Variants in ACP4 observed in about 807,000 individuals in gnomAD.
ACP4 encodes the protein acid phosphatase 4, also known as testicular acid phosphatase.
ACP4 carries 49 observed loss-of-function variants against 47.3 expected under a neutral mutation model. The observed-to-expected ratio is 1.04, with a 90% CI of 0.82 to 1.32. The LOEUF is 1.32. Ranked by LOEUF, ACP4 falls within the 40% of genes most tolerant of loss-of-function variation. The pLI is 0.00. For synonymous variants in ACP4, 299 were observed against 265.3 expected, an observed-to-expected ratio of 1.13 and a Z score of -1.23; for missense variants, 594 against 579.3, an observed-to-expected ratio of 1.03 and a Z score of -0.26.
In ACP4 at chr19:50,794,442, C is replaced by T. The variant is rs772621124; in HGVS notation, c.862-15C>T. On this transcript the variant is annotated splice_polypyrimidine_tract_variant and intron_variant, in intron 8 of 10. Transcript: ENST00000270593. ...CAGAGAGAAGTGCCGTCTCAGCCCT[C>T]GGGTCCACCTGCAGCATGACAGCAC... 2.5e-5 allele frequency: 41 copies of T among 1,612,808 alleles called. No homozygotes were observed. In the African/African-American group the frequency reaches 3.1e-4, roughly 12 times the overall value.
At chr19:50,790,567 G>T in intron 1 of ACP4, 27 bp from the exon 2 acceptor site, 1 of 1,544,150 alleles carries the variant, frequency 6.5e-7, no homozygotes, top group South Asian at 1.2e-5. Flanking sequence ...CTCCCCCAGG[G>T]CTAGCCCTGA....
chr19:50,791,573 TC>T, intron 3 of ACP4, 82 bp from the exon 4 acceptor site: 2 of 1,539,718 alleles, frequency 1.3e-6, no homozygotes, highest in Non-Finnish European at 8.8e-7. Flanking sequence ...CCAAAGTGAA[TC>T]TGAGGCTTCT....
At chr19:50,793,472 G>A (rs1249593585) in intron 6 of ACP4, 6 of 648,356 alleles carry the variant, frequency 9.3e-6, no homozygotes, top group South Asian at 6.9e-5. Flanking sequence ...CCAAGATTGC[G>A]CTACTGCACT....
chr19:50,792,275 C>G lies in ACP4; in HGVS notation c.583C>G (p.Leu195Val). The G allele has an allele frequency of 6.2e-7, 1 of 1,613,532 alleles. No homozygotes were observed. The highest frequency in any genetic ancestry group is 1.1e-5 in the South Asian group (1 of 91,090). Reference sequence around the variant, plus strand: ...GAGTCGCCTGGAGAACTTCACGGGACTGTCGCTGGTTGGAGAGCCACTGCG... The same window carrying G: ...GAGTCGCCTGGAGAACTTCACGGGAGTGTCGCTGGTTGGAGAGCCACTGCG... The part of the protein sequence containing the change: ...FLSRLENFTG[L>V]SLVGEPLRRA... The change falls in exon 6 of 11, where the codon CTG becomes GTG. Residue 195 changes from leucine to valine, a missense_variant. Coordinates refer to ENST00000270593, the MANE Select transcript of ACP4 (RefSeq NM_033068.3).
chr19:50,791,963 G>C, intron 4 of ACP4, 110 bp from the exon 5 acceptor site: 1 of 1,458,628 alleles, frequency 6.9e-7, no homozygotes, highest in South Asian at 1.4e-5. Context: ...CCTGGATCTG[G>C]GAGAAACTGC....
intron 3 of ACP4, 61 bp from the exon 4 acceptor site, chr19:50,791,595 G>A (rs1052585139): frequency 8.3e-6 from 13 of 1,569,566 alleles, no homozygotes; most frequent in South Asian, 6.7e-5. Flanking sequence ...GATTTGCCAC[G>A]ACAGCTGACC....
intron 8 of ACP4, among the ~76,000 whole-genome samples, chr19:50,794,232 C>T (rs985132151): frequency 1.3e-5 from 2 of 152,148 alleles, no homozygotes; most frequent in African/African-American, 2.4e-5. Context: ...TCTGTCCTTC[C>T]GGAGGAGAAA....
In ACP4 at chr19:50,790,525, G is replaced by C. The variant is rs1449471993; in HGVS notation, c.111G>C (p.Leu37=). ...LPEGPLVFVA[L]VFRHGDRAPL... ...AAGGACCCCTGGTGTTCGTGGCTCT[G>C]GTGAGGCGCCCCCACCCCGGCCTGC... Residue 37 remains leucine (L), a splice_region_variant and synonymous_variant, in exon 1 of 11, where the codon CTG becomes CTC. Coordinates refer to ENST00000270593, the MANE Select transcript of ACP4 (RefSeq NM_033068.3). The C allele has an allele frequency of 1.9e-6, 3 of 1,544,896 alleles. No individual in the cohort carries two copies. The highest frequency in any genetic ancestry group is 2.6e-6 in the Non-Finnish European group (3 of 1,144,898).
At chr19:50,793,845 G>A (rs1239664734) in intron 7 of ACP4, 29 bp downstream of exon 7, 2 of 1,613,962 alleles carry the variant, frequency 1.2e-6, no homozygotes, top group African/African-American at 2.7e-5. Flanking sequence ...AGGCTGGGGT[G>A]CCTTCCTCTG....
Position 50,790,643 on chromosome 19 carries a change from C to T in ACP4, c.161C>T (p.Pro54Leu). 2 of 1,554,464 alleles carry T rather than the reference C, an allele frequency of 1.3e-6. No individual in the cohort carries two copies. The highest frequency in any genetic ancestry group is 1.2e-5 in the South Asian group (1 of 84,478). Residue 54 changes from proline to leucine, a missense_variant, in exon 2 of 11, where the codon CCA becomes CTA. Coordinates refer to ENST00000270593, the MANE Select transcript of ACP4 (RefSeq NM_033068.3). ...CCGCTGGCCTCCTACCCCATGGACCCACACAAGGAGGTGGCCTCCACCCTG... is the reference window on the plus strand; with the variant it reads ...CCGCTGGCCTCCTACCCCATGGACCTACACAAGGAGGTGGCCTCCACCCTG... The part of the protein sequence containing the change: ...RAPLASYPMD[P>L]HKEVASTLWP...
At position 50,794,524 on chromosome 19, in the gene ACP4, C is replaced by T. The variant is rs761917407; in HGVS notation, c.929C>T (p.Ala310Val). Residue 310 changes from alanine (A) to valine (V), a missense_variant, in exon 9 of 11, where the codon GCT (alanine) becomes GTT (valine). Physicochemically the swap from Ala to Val is moderately conservative, Grantham distance 64. Coordinates refer to ENST00000270593, the MANE Select transcript of ACP4 (RefSeq NM_033068.3). ...TATGATGGACACACCCCGCCATATG[C>T]TGCCTGCCTCGGCTTTGAGTTCCGG... ...GLYDGHTPPYAACLGFEFRKH... is the reference protein window; with the variant it reads ...GLYDGHTPPYVACLGFEFRKH... 37 of 1,613,924 alleles carry T rather than the reference C, an allele frequency of 2.3e-5. No individual in the cohort carries two copies. The highest frequency in any genetic ancestry group is 1.0e-4 in the Admixed American group (6 of 60,002).
At position 50,794,977 on chromosome 19, in the gene ACP4, T is replaced by C. The variant is rs2089545819; in HGVS notation, c.1165+13T>C. ...GCCATCCCCCCAGGTGACAGTCCTC[T>C]GTGTTGGGGTGGGAGTGGAGGGTTG... is the stretch of plus-strand genomic sequence containing the variant. On this transcript the variant is annotated intron_variant, in intron 10 of 10. Coordinates refer to ENST00000270593, the MANE Select transcript of ACP4 (RefSeq NM_033068.3). 2 of 1,613,268 alleles carry C rather than the reference T, an allele frequency of 1.2e-6. No individual in the cohort carries two copies. The highest frequency in any genetic ancestry group is 1.3e-5 in the African/African-American group (1 of 74,920).
Position 50,795,091 on chromosome 19 carries a change from T to G in ACP4, c.1214T>G (p.Leu405Arg). ...LAGAVAVLVA[L>R]SLGLGLLAWR... ...GGAGCTGTAGCTGTGCTGGTGGCAC[T>G]CAGCTTGGGGCTGGGCCTGCTGGCC... Residue 405 changes from leucine (L) to arginine (R), a missense_variant, in exon 11 of 11, where the codon CTC becomes CGC. Physicochemically the swap from Leu to Arg is moderately radical, Grantham distance 102 (BLOSUM62 -2). Coordinates refer to ENST00000270593, the MANE Select transcript of ACP4 (RefSeq NM_033068.3). The G allele has an allele frequency of 6.3e-7, 1 of 1,588,960 alleles. No homozygotes were observed. The highest frequency in any genetic ancestry group is 1.1e-5 in the South Asian group (1 of 88,494).
intron 9 of ACP4, 47 bp from the exon 10 acceptor site, chr19:50,794,739 G>GAT (rs1354065718): frequency 6.4e-7 from 1 of 1,573,528 alleles, no homozygotes; most frequent in African/African-American, 1.3e-5. Context: ...CAGGCTTTAA[G>GAT]ATCAATGACA....
At chr19:50,790,999 C>T (rs1046487233) in intron 3 of ACP4, 139 bp downstream of exon 3, 2 of 801,134 alleles carry the variant, frequency 2.5e-6, no homozygotes, top group Admixed American at 2.7e-5. Context: ...AATCTCTGAC[C>T]CCCGATACAC....
rs1568466022 is a variant in ACP4 at position 50,794,817 on chromosome 19, GA to G, written c.1019del (p.Asp340AlafsTer20). On this transcript the variant is annotated frameshift_variant, in exon 10 of 11. Transcript: ENST00000270593. LOFTEE classifies it high-confidence loss of function. ...NVTVSLFYRN[D>X]SAHLPLPLSL... is the part of the protein sequence containing the mutation. Reference sequence around the variant, plus strand: ...CACCGTCTCCCTCTTCTACCGCAATGACTCCGCCCACCTGCCCCTGCCTCTC... The same window carrying G: ...CACCGTCTCCCTCTTCTACCGCAATGCTCCGCCCACCTGCCCCTGCCTCTC... 1 of 1,609,652 alleles carries G rather than the reference GA, an allele frequency of 6.2e-7. No individual in the cohort carries two copies. Among genetic ancestry groups the G allele is most frequent in the South Asian group, 1.1e-5 (1 of 90,382 alleles).
Position 50,793,790 on chromosome 19 carries a change from C to A in ACP4, c.752C>A (p.Ala251Glu). ...DIGAHVGPPR[A>E]AEKAQLTGGI... ...GGAGCCCACGTGGGCCCACCCCGGG[C>A]AGCAGAGAAGGCCCAGCTGACAGGG... Residue 251 changes from alanine to glutamate, a missense_variant, in exon 7 of 11, where the codon GCA (alanine) becomes GAA (glutamate). Transcript: ENST00000270593. 10 of 1,613,946 alleles carry A rather than the reference C, an allele frequency of 6.2e-6. No individual in the cohort carries two copies. The highest frequency in any genetic ancestry group is 5.9e-6 in the Non-Finnish European group (7 of 1,180,032).
chr19:50,793,113 CCTTT>C (rs1311948483), intron 6 of ACP4: 1 of 155,794 alleles, frequency 6.4e-6, no homozygotes, highest in Non-Finnish European at 1.4e-5. Flanking sequence ...CACCATCAGA[CCTTT>C]CTAAAGTCCA....
Position 50,793,812 on chromosome 19 carries a change from A to G in ACP4, c.774A>G (p.Thr258=), listed in dbSNP as rs770941385. Residue 258 remains threonine (T), a synonymous_variant, in exon 7 of 11, where the codon ACA becomes ACG. Coordinates refer to ENST00000270593, the MANE Select transcript of ACP4 (RefSeq NM_033068.3). Reference sequence around the variant, plus strand: ...GGGCAGCAGAGAAGGCCCAGCTGACAGGGGGTGAGGTGTGGGTCTGGGAGG... The same window carrying G: ...GGGCAGCAGAGAAGGCCCAGCTGACGGGGGGTGAGGTGTGGGTCTGGGAGG... The part of the protein sequence containing the change: ...PPRAAEKAQL[T]GGILLNAILA... 1.6e-5 allele frequency: 26 copies of G among 1,613,806 alleles called. No individual in the cohort carries two copies. The highest frequency in any genetic ancestry group is 1.9e-5 in the Non-Finnish European group (22 of 1,179,988).
Sources: allele counts gnomAD v4.1 joint callset (sites outside exome capture counted in the v4.1 genomes callset), GRCh38; gene constraint gnomAD v4.1.1; transcripts MANE v1.5; gene names NCBI Gene and HGNC (gene_info 2026-07-23, HGNC 2026-07-21).